The following CCNJL variants were observed in gnomAD, a reference collection of about 807,000 sequenced individuals.
The protein encoded by CCNJL is cyclin J like, also known as cyclin-J-like protein.
Under a neutral mutation model 33.4 loss-of-function variants are expected in CCNJL, and 33 were observed. The ratio of observed to expected loss-of-function variants is 0.99; its 90% confidence interval spans 0.75 to 1.32. CCNJL has a LOEUF of 1.32. CCNJL is among the 40% of genes most tolerant of loss of function. CCNJL has a pLI of 0.00. For missense variants in CCNJL, 512 were observed against 499.7 expected, an observed-to-expected ratio of 1.02 and a Z score of -0.23; for synonymous variants, 227 against 220.9, an observed-to-expected ratio of 1.03 and a Z score of -0.24.
chr5:160,268,297 A>G (rs1761691164), intron 3 of CCNJL, among the ~76,000 whole-genome samples: 3 of 150,050 alleles, frequency 2.0e-5, no homozygotes. Flanking sequence ...CCACACTCTG[A>G]TGATGACTGT....
upstream of CCNJL, among the ~76,000 whole-genome samples, chr5:160,316,253 A>G (rs1763379484): frequency 6.6e-6 from 1 of 152,114 alleles, no homozygotes; most frequent in African/African-American, 2.4e-5. Flanking sequence ...CCCCCAACCA[A>G]GACAAGAAGA....
At chr5:160,289,005 G>A (rs1480946812) in intron 2 of CCNJL, among the ~76,000 whole-genome samples, 1 of 152,106 alleles carries the variant, frequency 6.6e-6, no homozygotes, top group East Asian at 1.9e-4. Flanking sequence ...AGAGAGCATG[G>A]GAAACAATGT....
intron 2 of CCNJL, among the ~76,000 whole-genome samples, chr5:160,296,074 C>T (rs914112182): frequency 1.3e-5 from 2 of 152,186 alleles, no homozygotes; most frequent in Non-Finnish European, 2.9e-5. Flanking sequence ...GTGGCTAGCA[C>T]AGTGTGTAGC....
intron 2 of CCNJL, among the ~76,000 whole-genome samples, chr5:160,291,851 C>G (rs933536656): frequency 2.0e-5 from 3 of 152,134 alleles, no homozygotes; most frequent in Admixed American, 2.0e-4. Flanking sequence ...GGTGTCCTGC[C>G]TTGGGAGGTC....
chr5:160,281,966 T>G (rs1175050450), intron 2 of CCNJL, among the ~76,000 whole-genome samples: 2 of 152,224 alleles, frequency 1.3e-5, no homozygotes, highest in Admixed American at 6.5e-5. Context: ...TAGACACTAC[T>G]TGTTTAGGAA....
At chr5:160,286,235 A>G (rs1302272230) in intron 2 of CCNJL, among the ~76,000 whole-genome samples, 3 of 152,228 alleles carry the variant, frequency 2.0e-5, no homozygotes, top group African/African-American at 7.2e-5. Flanking sequence ...CCTTGAGCCA[A>G]GTGAGAGAAG....
intron 3 of CCNJL, among the ~76,000 whole-genome samples, chr5:160,262,427 G>A (rs763040022): frequency 3.9e-4 from 60 of 152,222 alleles, no homozygotes; most frequent in Non-Finnish European, 7.1e-4. Context: ...GCACACGGCA[G>A]GCCACAGCCA....
At chr5:160,328,838 C>A (rs991943491) in intron 1 of CCNJL, among the ~76,000 whole-genome samples, 1 of 151,508 alleles carries the variant, frequency 6.6e-6, no homozygotes, top group Non-Finnish European at 1.5e-5. Context: ...CAAGAGCACG[C>A]CACTGCACTC....
intron 2 of CCNJL, among the ~76,000 whole-genome samples, chr5:160,284,358 A>C (rs1482537286): frequency 1.3e-5 from 2 of 152,192 alleles, no homozygotes; most frequent in Non-Finnish European, 2.9e-5. Context: ...TCTCAAAAAA[A>C]ATTAAAATAA....
chr5:160,298,323 C>T (rs893341478), intron 2 of CCNJL, among the ~76,000 whole-genome samples: 2 of 151,616 alleles, frequency 1.3e-5, no homozygotes, highest in South Asian at 2.1e-4. Context: ...TGCGCCACTG[C>T]GCTCCAGTGT....
intron 1 of CCNJL, among the ~76,000 whole-genome samples, chr5:160,318,954 A>T (rs1412308943): frequency 1.3e-5 from 2 of 152,240 alleles, no homozygotes; most frequent in South Asian, 2.1e-4. Context: ...AGCATATTTT[A>T]AAAATATCTC....
intron 4 of CCNJL, 108 bp downstream of exon 4, chr5:160,259,361 A>C: frequency 1.1e-6 from 1 of 935,048 alleles, no homozygotes; most frequent in Non-Finnish European, 1.6e-6. Context: ...CACAGGCCCC[A>C]GTGAGAAGGC....
rs369986274 is a variant in CCNJL, at chr5:160,307,622, G to A, written c.66+4236C>T. Among the ~76,000 whole-genome samples, 61 of 152,256 alleles carry A rather than the reference G, an allele frequency of 4.0e-4. No homozygotes were observed. The South Asian group carries it at 8.5e-3, about 21-fold the overall frequency. ...CACTAGCAGCCTCCTCACTGGTGAC[G>A]CCAGCCTGGTGACAATCTACTCCTC... is the stretch of plus-strand genomic sequence containing the variant. On this transcript the variant is annotated intron_variant, in intron 2 of 5. Coordinates refer to ENST00000257536, the MANE Select transcript of CCNJL (RefSeq NM_001308173.3).
At chr5:160,309,013 G>A (rs1461726446) in intron 2 of CCNJL, among the ~76,000 whole-genome samples, 1 of 152,334 alleles carries the variant, frequency 6.6e-6, no homozygotes, top group East Asian at 1.9e-4. Context: ...TAAGAGCAAT[G>A]GCATGGAGGG....
chr5:160,277,644 C>T (rs1762059399), intron 3 of CCNJL, among the ~76,000 whole-genome samples: 2 of 152,106 alleles, frequency 1.3e-5, no homozygotes. Flanking sequence ...CTGCCTCCTC[C>T]TGTGGCCCGC....
rs148237080 is a variant in CCNJL at position 160,266,941 on chromosome 5, C to T, written c.281-7170G>A. Among the ~76,000 whole-genome samples the T allele has an allele frequency of 5.6e-3, 850 of 152,212 alleles. 3 individuals are homozygous for T. Among genetic ancestry groups the T allele is most frequent in the Non-Finnish European group, 9.1e-3 (618 of 68,014 alleles). ...GCTGGTGATTTCAAGGCTCACAGTC[C>T]GGGAGGAAGAAAGGGGAGTGAGTGT... On this transcript the variant is annotated intron_variant, in intron 3 of 5. Coordinates refer to ENST00000257536, the MANE Select transcript of CCNJL (RefSeq NM_001308173.3).
intron 2 of CCNJL, among the ~76,000 whole-genome samples, chr5:160,286,078 C>T (rs1213015419): frequency 2.0e-5 from 3 of 152,154 alleles, no homozygotes; most frequent in African/African-American, 4.8e-5. Flanking sequence ...CTGCAGCTGC[C>T]GGAAATTAGA....
chr5:160,314,735 C>T (rs1220740766), upstream of CCNJL, among the ~76,000 whole-genome samples: 1 of 152,212 alleles, frequency 6.6e-6, no homozygotes, highest in African/African-American at 2.4e-5. Context: ...AAAACATTAA[C>T]ACCCTACGTG....
chr5:160,264,094 C>T (rs901295525), intron 3 of CCNJL, among the ~76,000 whole-genome samples: 4 of 152,048 alleles, frequency 2.6e-5, no homozygotes, highest in Non-Finnish European at 2.9e-5. Context: ...TATAGGCACA[C>T]GCCACCACAC....
Sources: allele counts gnomAD v4.1 joint callset (sites outside exome capture counted in the v4.1 genomes callset), GRCh38; gene constraint gnomAD v4.1.1; transcripts MANE v1.5; gene names NCBI Gene and HGNC (gene_info 2026-07-23, HGNC 2026-07-21).